Variants in ITGA1 observed in about 807,000 individuals in gnomAD.
ITGA1 encodes the protein integrin subunit alpha 1.
ITGA1 carries 85 observed loss-of-function variants against 145.9 expected under a neutral mutation model. The ratio of observed to expected loss-of-function variants is 0.58; its 90% confidence interval spans 0.49 to 0.70. The LOEUF (loss-of-function observed/expected upper bound fraction) is 0.70. ITGA1 is among the 30% of genes least tolerant of loss of function. ITGA1 has a pLI of 0.00. For synonymous variants in ITGA1, 520 were observed against 495.3 expected, an observed-to-expected ratio of 1.05 and a Z score of -0.66; for missense variants, 1,351 against 1,418.7, an observed-to-expected ratio of 0.95 and a Z score of 0.77.
At chr5:52,941,460 G>A (rs1751052916) in intron 26 of ITGA1, among the ~76,000 whole-genome samples, 1 of 152,032 alleles carries the variant, frequency 6.6e-6, no homozygotes, top group Non-Finnish European at 1.5e-5. Context: ...CTTAATAATA[G>A]CCATTCTGAC....
intron 8 of ITGA1, among the ~76,000 whole-genome samples, chr5:52,892,635 A>G (rs1301981887): frequency 2.0e-5 from 3 of 152,302 alleles, no homozygotes; most frequent in Middle Eastern, 3.4e-3. Context: ...GTGCATCCAT[A>G]CAATGGAATG....
At chr5:52,828,195 AACTCT>A (rs1749000277) in intron 1 of ITGA1, among the ~76,000 whole-genome samples, 2 of 152,204 alleles carry the variant, frequency 1.3e-5, no homozygotes, top group African/African-American at 4.8e-5. Context: ...CTTGTAGGGC[AACTCT>A]ATGTGTAACT....
At chr5:52,838,922 AC>A (rs912715519) in intron 1 of ITGA1, among the ~76,000 whole-genome samples, 5 of 152,062 alleles carry the variant, frequency 3.3e-5, no homozygotes, top group African/African-American at 1.2e-4. Context: ...CGTGACGAGC[AC>A]TTTTCTATAC....
At chr5:52,946,859 A>T (rs1751142654) in intron 27 of ITGA1, among the ~76,000 whole-genome samples, 1 of 152,240 alleles carries the variant, frequency 6.6e-6, no homozygotes, top group Admixed American at 6.5e-5. Context: ...TCACTTACCC[A>T]TACACTTGAC....
chr5:52,899,924 G>A (rs888967604), intron 11 of ITGA1, among the ~76,000 whole-genome samples: 1 of 152,122 alleles, frequency 6.6e-6, no homozygotes, highest in African/African-American at 2.4e-5. Flanking sequence ...TCTTATGTCA[G>A]TGTTTATATC....
At chr5:52,944,837 A>C (rs1176676868) in intron 26 of ITGA1, 106 bp from the exon 27 acceptor site, 18 of 743,732 alleles carry the variant, frequency 2.4e-5, no homozygotes, top group Non-Finnish European at 4.0e-5. Context: ...TGGAATTTTT[A>C]ATCTCTCAGA....
At chr5:52,947,234 A>G (rs995374845) in intron 27 of ITGA1, 111 bp from the exon 28 acceptor site, 2 of 670,040 alleles carry the variant, frequency 3.0e-6, no homozygotes, top group African/African-American at 3.6e-5. Context: ...TTCTCATTAT[A>G]TAGTAACGAG....
At chr5:52,827,678 T>G (rs2111715100) in intron 1 of ITGA1, among the ~76,000 whole-genome samples, 1 of 152,310 alleles carries the variant, frequency 6.6e-6, no homozygotes, top group Admixed American at 6.5e-5. Flanking sequence ...CACTGCAGCC[T>G]TCAGCAACCA....
intron 1 of ITGA1, among the ~76,000 whole-genome samples, chr5:52,847,297 A>C (rs2111747618): frequency 6.6e-6 from 1 of 152,298 alleles, no homozygotes; most frequent in South Asian, 2.1e-4. Context: ...TATTGTCGCC[A>C]AAATTTAAAG....
chr5:52,912,313 A>G (rs1161663790), intron 14 of ITGA1, among the ~76,000 whole-genome samples: 1 of 145,368 alleles, frequency 6.9e-6, no homozygotes, highest in Non-Finnish European at 1.5e-5. Flanking sequence ...TATCTACTAT[A>G]TACTATATAT....
chr5:52,851,672 T>C (rs1448374445), intron 2 of ITGA1, among the ~76,000 whole-genome samples: 1 of 152,208 alleles, frequency 6.6e-6, no homozygotes, highest in Non-Finnish European at 1.5e-5. Flanking sequence ...TACACTGGAC[T>C]GAACCATCAC....
Position 52,864,770 on chromosome 5 carries a change from A to G in ITGA1, c.303A>G (p.Thr101=). The change falls in exon 4 of 29, where the codon ACA becomes ACG. Residue 101 remains threonine, a synonymous_variant. Transcript: ENST00000282588. ...PCVKLDLPVN[T]SIPNVTEVKE... is the part of the protein sequence containing the mutation. ...ATTTTGTTCTATTTTTAGTTAATAC[A>G]TCAATTCCCAATGTCACAGAAGTAA... 1 of 1,605,360 alleles carries G rather than the reference A, an allele frequency of 6.2e-7. No homozygotes were observed. The highest frequency in any genetic ancestry group is 8.5e-7 in the Non-Finnish European group (1 of 1,175,172).
At chr5:52,811,375 T>C (rs551081040) in intron 1 of ITGA1, among the ~76,000 whole-genome samples, 1 of 152,354 alleles carries the variant, frequency 6.6e-6, no homozygotes, top group South Asian at 2.1e-4. Context: ...CTGATTCTAC[T>C]TGGTGCAGTA....
At chr5:52,911,525 ATCTATATAT>A (rs1561246268) in intron 14 of ITGA1, among the ~76,000 whole-genome samples, 19 of 125,024 alleles carry the variant, frequency 1.5e-4, no homozygotes, top group African/African-American at 4.4e-4. Flanking sequence ...TAGTATATAT[ATCTATATAT>A]TAGATACATA....
chr5:52,912,740 G>GTGTATA (rs869303672), intron 14 of ITGA1, among the ~76,000 whole-genome samples: 2 of 125,996 alleles, frequency 1.6e-5, no homozygotes, highest in Admixed American at 8.0e-5. Context: ...GTGTGTGTGT[G>GTGTATA]TATATATATA....
chr5:52,808,361 G>A (rs1257994847), intron 1 of ITGA1, among the ~76,000 whole-genome samples: 1 of 152,118 alleles, frequency 6.6e-6, no homozygotes, highest in African/African-American at 2.4e-5. Context: ...ATTGTTGAAG[G>A]ATGAATTTTT....
Position 52,944,928 on chromosome 5 carries a change from C to G in ITGA1, c.3286-15C>G, listed in dbSNP as rs547213289. 5 of 1,555,766 alleles carry G rather than the reference C, an allele frequency of 3.2e-6. No individual in the cohort carries two copies. The South Asian group carries it at 4.5e-5, about 14-fold the overall frequency. On this transcript the variant is annotated splice_polypyrimidine_tract_variant and intron_variant, in intron 26 of 28. Coordinates refer to ENST00000282588, the MANE Select transcript of ITGA1 (RefSeq NM_181501.2). ...TAGCATCATATATTAAGAACAAATC[C>G]TATTTGCTTTTCAGTCATATTTTTC...
chr5:52,845,082 A>C (rs2111743988), intron 1 of ITGA1, among the ~76,000 whole-genome samples: 1 of 152,340 alleles, frequency 6.6e-6, no homozygotes, highest in Admixed American at 6.5e-5. Flanking sequence ...AAATGAAAAA[A>C]GAAGTACAGC....
chr5:52,798,037 T>C (rs1288276402), intron 1 of ITGA1, among the ~76,000 whole-genome samples: 1 of 152,194 alleles, frequency 6.6e-6, no homozygotes, highest in African/African-American at 2.4e-5. Context: ...CTCTCTCTCT[T>C]TCTCTCTCAC....
Sources: allele counts gnomAD v4.1 joint callset (sites outside exome capture counted in the v4.1 genomes callset), GRCh38; gene constraint gnomAD v4.1.1; transcripts MANE v1.5; gene names NCBI Gene and HGNC (gene_info 2026-07-23, HGNC 2026-07-21).